RBFOX1: variants seen among roughly 807,000 people sequenced by gnomAD.
RBFOX1 encodes RNA binding protein fox-1 homolog 1.
A neutral mutation model predicts 57.7 loss-of-function variants in RBFOX1; 8 were observed. The observed-to-expected ratio is 0.14, with a 90% confidence interval of 0.08 to 0.25. The LOEUF (loss-of-function observed/expected upper bound fraction) is 0.25, where lower values mean the gene tolerates loss of function less well. Among genes scored for constraint, RBFOX1 ranks in the 10% least tolerant of loss-of-function variants. The pLI is 1.00. For synonymous variants in RBFOX1, 326 were observed against 222.4 expected (o/e 1.47, Z -4.15); for missense variants, 611 against 548.5 (o/e 1.11, Z -1.14).
intron 3 of RBFOX1, among the ~76,000 whole-genome samples, chr16:6,855,535 C>T (rs959457057): frequency 1.3e-5 from 2 of 151,740 alleles, no homozygotes; most frequent in African/African-American, 4.8e-5. Context: ...TGCCTGTAGT[C>T]CCAGCTACTG....
intron 3 of RBFOX1, among the ~76,000 whole-genome samples, chr16:6,899,494 A>C (rs1236854755): frequency 2.0e-5 from 3 of 152,198 alleles, no homozygotes; most frequent in African/African-American, 7.2e-5. Context: ...TCATCTGCTT[A>C]CTATACCATC....
chr16:5,874,724 C>G (rs1369820), intron 4 of RBFOX1, among the ~76,000 whole-genome samples: 64,119 of 151,900 alleles, frequency 0.42, 13,734 homozygotes, highest in African/African-American at 0.48. Flanking sequence ...ACAGGAAAAT[C>G]ACTTGAACCA....
At chr16:7,452,650 C>G (rs560372021) in intron 4 of RBFOX1, among the ~76,000 whole-genome samples, 11 of 152,190 alleles carry the variant, frequency 7.2e-5, no homozygotes, top group Non-Finnish European at 1.0e-4. Context: ...AAAAAGTGAA[C>G]AAAAAGATGT....
intron 1 of RBFOX1, among the ~76,000 whole-genome samples, chr16:5,277,645 AAGTCC>A (rs2063174856): frequency 6.6e-6 from 1 of 152,096 alleles, no homozygotes; most frequent in Non-Finnish European, 1.5e-5. Context: ...CAGGGCACAC[AAGTCC>A]ATAACTGCGG....
At chr16:6,824,316 G>A (rs1265118974) in intron 3 of RBFOX1, among the ~76,000 whole-genome samples, 1 of 152,152 alleles carries the variant, frequency 6.6e-6, no homozygotes, top group African/African-American at 2.4e-5. Context: ...TGCGGTAGGA[G>A]AGTCACTTGA....
At chr16:7,381,088 T>C (rs551559029) in intron 4 of RBFOX1, among the ~76,000 whole-genome samples, 1 of 152,350 alleles carries the variant, frequency 6.6e-6, no homozygotes, top group East Asian at 1.9e-4. Context: ...GGAGATGTTA[T>C]GCGTCAAACA....
At chr16:7,009,649 C>A (rs2029624) in intron 3 of RBFOX1, among the ~76,000 whole-genome samples, 1 of 151,602 alleles carries the variant, frequency 6.6e-6, no homozygotes, top group Non-Finnish European at 1.5e-5. Context: ...ACCGTCTGGG[C>A]ACTTGTCACC....
chr16:6,511,182 C>T (rs2096248662), intron 2 of RBFOX1, among the ~76,000 whole-genome samples: 1 of 152,032 alleles, frequency 6.6e-6, no homozygotes, highest in African/African-American at 2.4e-5. Context: ...CTGGAAAATC[C>T]CAAAAGAGAA....
intron 4 of RBFOX1, among the ~76,000 whole-genome samples, chr16:7,092,191 G>C (rs536774510): frequency 6.6e-6 from 1 of 152,118 alleles, no homozygotes; most frequent in Non-Finnish European, 1.5e-5. Flanking sequence ...AAGTTACAAG[G>C]TATACCACTG....
At chr16:6,537,059 G>C (rs950465611) in intron 2 of RBFOX1, among the ~76,000 whole-genome samples, 1 of 152,146 alleles carries the variant, frequency 6.6e-6, no homozygotes, top group Non-Finnish European at 1.5e-5. Context: ...GCTCCTCTCA[G>C]CTCTGGTATA....
intron 3 of RBFOX1, among the ~76,000 whole-genome samples, chr16:5,736,309 G>C (rs374922678): frequency 2.0e-5 from 3 of 152,156 alleles, no homozygotes; most frequent in Non-Finnish European, 2.9e-5. Context: ...TGCCTCCTTT[G>C]TGTCAGAATC....
intron 2 of RBFOX1, among the ~76,000 whole-genome samples, chr16:6,415,985 C>T (rs1355466224): frequency 6.6e-6 from 1 of 152,208 alleles, no homozygotes; most frequent in East Asian, 1.9e-4. Context: ...CCATTGTTAA[C>T]ACCTGCCAGC....
In RBFOX1 at chr16:6,904,599, TAAAAAAAAAAA is replaced by T. The variant is rs71147623; in HGVS notation, c.-15-147439_-15-147429del. On this transcript the variant is annotated intron_variant, in intron 3 of 15. Coordinates refer to ENST00000550418, the MANE Select transcript of RBFOX1 (RefSeq NM_018723.4). ...CTGGGTGACAGAGTGAGACTCTCTCTAAAAAAAAAAAAAAAAAAAAAAAAAAAAAGAAGAAG... is the reference window on the plus strand; with the variant it reads ...CTGGGTGACAGAGTGAGACTCTCTCTAAAAAAAAAAAAAAAAAAGAAGAAG... Among the ~76,000 whole-genome samples, 8 of 64,034 alleles carry T rather than the reference TAAAAAAAAAAA, an allele frequency of 1.2e-4. No individual in the cohort carries two copies. The East Asian group carries it at 1.4e-3, about 11-fold the overall frequency. The allele number at this position is 64,034 out of a possible 152,430, so 42.0% of individuals were successfully genotyped here. A position where few individuals can be genotyped will look rare whatever the true frequency, so the allele number is the denominator to read the frequency against.
intron 3 of RBFOX1, among the ~76,000 whole-genome samples, chr16:5,683,365 A>G (rs1049833186): frequency 2.6e-5 from 4 of 151,892 alleles, no homozygotes; most frequent in Admixed American, 6.6e-5. Flanking sequence ...GTGATGGTCA[A>G]TACTGAGTGT....
At chr16:5,278,102 A>G (rs953049920) in intron 1 of RBFOX1, among the ~76,000 whole-genome samples, 1 of 152,178 alleles carries the variant, frequency 6.6e-6, no homozygotes, top group Non-Finnish European at 1.5e-5. Flanking sequence ...TAATGGCTGT[A>G]CTAATTTACA....
At chr16:7,583,316 T>C (rs186800299) in intron 6 of RBFOX1, among the ~76,000 whole-genome samples, 1 of 152,176 alleles carries the variant, frequency 6.6e-6, no homozygotes, top group Admixed American at 6.6e-5. Context: ...TTGGAAGGGA[T>C]GTTAGTTTTA....
At chr16:5,969,841 T>A (rs765323787) in intron 4 of RBFOX1, among the ~76,000 whole-genome samples, 1 of 152,004 alleles carries the variant, frequency 6.6e-6, no homozygotes, top group Non-Finnish European at 1.5e-5. Flanking sequence ...TCCAGCAATA[T>A]CTTCTCAGTG....
At chr16:5,540,882 C>G (rs374437495) in intron 2 of RBFOX1, among the ~76,000 whole-genome samples, 6 of 152,158 alleles carry the variant, frequency 3.9e-5, no homozygotes, top group African/African-American at 1.2e-4. Flanking sequence ...CAGAGTCTTG[C>G]TCTGTCGCCC....
At position 6,667,435 on chromosome 16, in the gene RBFOX1, A is replaced by T. The variant is rs7192955; in HGVS notation, c.-16+12785A>T. On this transcript the variant is annotated intron_variant, in intron 3 of 15. Coordinates refer to ENST00000550418, the MANE Select transcript of RBFOX1 (RefSeq NM_018723.4). ...AAGGCCTGGCTTTGAACCCCAGCTT[A>T]GTGGCTTCCTGGTTATTTAACCTCT... 1.2e-4 allele frequency among the ~76,000 whole-genome samples: 19 copies of T among 152,244 alleles called. No homozygotes were observed. In the East Asian group the frequency reaches 3.7e-3, roughly 29 times the overall value.
Sources: gnomAD v4.1 joint callset for allele counts (sites outside exome capture counted in the v4.1 genomes callset) on GRCh38, gnomAD v4.1.1 for gene constraint, MANE v1.5 for transcripts, NCBI Gene and HGNC (gene_info 2026-07-23, HGNC 2026-07-21) for gene names.